Variants in PCDH11Y observed in about 807,000 individuals in gnomAD.
PCDH11Y encodes the protein protocadherin-11 Y-linked.
For missense variants in PCDH11Y, 12 were observed against 224.8 expected (o/e 0.05, Z 6.05); for synonymous variants, 9 against 83.6 (o/e 0.11, Z 4.87).
intron 4 of PCDH11Y, among the ~76,000 whole-genome samples, chrY:5,627,587 G>A: frequency 3.8e-4 from 12 of 31,348 alleles, no homozygotes; most frequent in Admixed American, 3.6e-3. Flanking sequence ...TTTTAGTAGA[G>A]ACGGGGTTTC....
At chrY:5,652,806 A>C in intron 4 of PCDH11Y, among the ~76,000 whole-genome samples, 1 of 32,475 alleles carries the variant, frequency 3.1e-5, no homozygotes, top group Non-Finnish European at 7.5e-5. Context: ...TTAGTGGTGA[A>C]AGAAAGACAA....
At chrY:5,343,512 C>G in intron 2 of PCDH11Y, among the ~76,000 whole-genome samples, 2 of 33,226 alleles carry the variant, frequency 6.0e-5, no homozygotes, top group South Asian at 1.3e-3. Flanking sequence ...CTCAGCCTCC[C>G]AAAGTGCTGG....
intron 4 of PCDH11Y, among the ~76,000 whole-genome samples, chrY:5,688,066 A>C (rs1602960236): frequency 7.2e-4 from 24 of 33,329 alleles, no homozygotes; most frequent in Admixed American, 1.9e-3. Flanking sequence ...CTAAATTCCC[A>C]GTCTGAAGCA....
chrY:5,384,152 A>G (rs2053208507), intron 2 of PCDH11Y, among the ~76,000 whole-genome samples: 1 of 33,048 alleles, frequency 3.0e-5, no homozygotes, highest in Non-Finnish European at 7.4e-5. Context: ...ATTATAGAAG[A>G]ACATATGAAA....
chrY:5,060,041 T>TA (rs2052671150), intron 1 of PCDH11Y, among the ~76,000 whole-genome samples: 1 of 32,059 alleles, frequency 3.1e-5, no homozygotes, highest in Non-Finnish European at 7.5e-5. Context: ...GATTCATCCA[T>TA]AAACTTTAGT....
chrY:5,645,388 T>C, intron 4 of PCDH11Y, among the ~76,000 whole-genome samples: 2 of 33,096 alleles, frequency 6.0e-5, no homozygotes, highest in Admixed American at 2.8e-4. Context: ...ACATTTGGTA[T>C]ATGGTTCCAG....
chrY:5,730,003 G>A (rs2053602258), intron 4 of PCDH11Y, among the ~76,000 whole-genome samples: 1 of 33,193 alleles, frequency 3.0e-5, no homozygotes, highest in African/African-American at 1.2e-4. Context: ...CATCAGTCCC[G>A]TGCTCTTTTT....
At chrY:5,481,850 G>T (rs2053326081) in intron 2 of PCDH11Y, among the ~76,000 whole-genome samples, 1 of 31,319 alleles carries the variant, frequency 3.2e-5, no homozygotes, top group Non-Finnish European at 7.6e-5. Context: ...TAGTTTTATG[G>T]CCATATATAT....
At chrY:5,523,346 G>C in intron 3 of PCDH11Y, among the ~76,000 whole-genome samples, 5 of 32,411 alleles carry the variant, frequency 1.5e-4, no homozygotes. Context: ...TACTTTTACA[G>C]AATTTAGAAG....
At chrY:5,173,947 G>C in intron 2 of PCDH11Y, among the ~76,000 whole-genome samples, 3 of 28,821 alleles carry the variant, frequency 1.0e-4, no homozygotes, top group Non-Finnish European at 8.2e-5. Context: ...CCACTTATAA[G>C]TGAGAACATG....
At chrY:5,257,727 A>G in intron 2 of PCDH11Y, among the ~76,000 whole-genome samples, 1 of 32,718 alleles carries the variant, frequency 3.1e-5, no homozygotes, top group African/African-American at 1.2e-4. Context: ...TTTTGCATCA[A>G]TATTCATCAG....
rs2124654427 is a variant in PCDH11Y at position 5,236,194 on chromosome Y, A to G, written c.3129+135487A>G. ...AAGGAAGAGCAAACACCAAAAACATATCTTCTTAGTGGATGTCATTTCCCA... is the reference window on the plus strand; with the variant it reads ...AAGGAAGAGCAAACACCAAAAACATGTCTTCTTAGTGGATGTCATTTCCCA... On this transcript the variant is annotated intron_variant, in intron 2 of 4. Transcript: ENST00000400457. Among the ~76,000 whole-genome samples, 16 of 32,720 alleles carry G rather than the reference A, an allele frequency of 4.9e-4. No homozygotes were observed. In the South Asian group the frequency reaches 0.011, roughly 22 times the overall value. The allele number at this position is 32,720 out of a possible 37,273, so 87.8% of individuals were successfully genotyped here.
At chrY:5,344,129 C>T (rs2053149356) in intron 2 of PCDH11Y, among the ~76,000 whole-genome samples, 47 of 32,970 alleles carry the variant, frequency 1.4e-3, no homozygotes, top group African/African-American at 5.6e-3. Context: ...TTTCTCAAAA[C>T]AAACTTAACT....
intron 2 of PCDH11Y, among the ~76,000 whole-genome samples, chrY:5,248,957 G>A (rs2053000674): frequency 1.5e-4 from 5 of 32,784 alleles, no homozygotes; most frequent in African/African-American, 6.0e-4. Context: ...GCCAAATCAT[G>A]AATGAACTCC....
At chrY:5,369,290 G>C in intron 2 of PCDH11Y, among the ~76,000 whole-genome samples, 1 of 32,758 alleles carries the variant, frequency 3.1e-5, no homozygotes, top group South Asian at 7.2e-4. Flanking sequence ...AGGACCCAGG[G>C]GGAGATCATT....
At chrY:5,174,156 A>C (rs1602880215) in intron 2 of PCDH11Y, among the ~76,000 whole-genome samples, 2 of 24,518 alleles carry the variant, frequency 8.2e-5, no homozygotes, top group Admixed American at 4.1e-4. Context: ...ATATATATAT[A>C]TATATATATA....
intron 4 of PCDH11Y, among the ~76,000 whole-genome samples, chrY:5,586,562 A>T (rs2053456498): frequency 3.3e-5 from 1 of 30,506 alleles, no homozygotes; most frequent in Admixed American, 3.0e-4. Flanking sequence ...GCAAACAGAG[A>T]TAGTCTGACT....
chrY:5,419,984 A>G, intron 2 of PCDH11Y, among the ~76,000 whole-genome samples: 1 of 30,940 alleles, frequency 3.2e-5, no homozygotes. Flanking sequence ...ACAAACTTTT[A>G]AAGTGGAATC....
chrY:5,335,306 G>C, intron 2 of PCDH11Y, among the ~76,000 whole-genome samples: 2 of 32,863 alleles, frequency 6.1e-5, no homozygotes, highest in East Asian at 1.6e-3. Context: ...AACCAAAAGG[G>C]GGAGGCAGGT....
Sources: gnomAD v4.1 joint callset for allele counts (sites outside exome capture counted in the v4.1 genomes callset) on GRCh38, gnomAD v4.1.1 for gene constraint, MANE v1.5 for transcripts, NCBI Gene and HGNC (gene_info 2026-07-23, HGNC 2026-07-21) for gene names.